CTNNA3: variants seen among roughly 807,000 people sequenced by gnomAD.
The protein encoded by CTNNA3 is catenin alpha 3, also known as catenin alpha-3.
CTNNA3 carries 76 observed loss-of-function variants against 95.7 expected under a neutral mutation model. That is an observed-to-expected ratio of 0.79 (90% CI 0.66 to 0.96). The LOEUF is 0.96. CTNNA3 is among the 40% of genes least tolerant of loss of function. The pLI is 0.00. For synonymous variants in CTNNA3, 431 were observed against 374.4 expected, an observed-to-expected ratio of 1.15 and a Z score of -1.74; for missense variants, 1,191 against 1,089.8, an observed-to-expected ratio of 1.09 and a Z score of -1.31.
chr10:66,154,131 A>G (rs2084351798), intron 13 of CTNNA3, among the ~76,000 whole-genome samples: 1 of 151,912 alleles, frequency 6.6e-6, no homozygotes, highest in Admixed American at 6.6e-5. Flanking sequence ...TTATTGTCCA[A>G]GACTTGTATT....
chr10:66,607,258 T>A (rs1196920144), intron 10 of CTNNA3, among the ~76,000 whole-genome samples: 1 of 151,882 alleles, frequency 6.6e-6, no homozygotes, highest in African/African-American at 2.4e-5. Flanking sequence ...AACAGACTAA[T>A]AATGAGCTCT....
chr10:66,392,065 T>C (rs538177136), intron 11 of CTNNA3, among the ~76,000 whole-genome samples: 7 of 126,838 alleles, frequency 5.5e-5, no homozygotes, highest in African/African-American at 2.7e-4. Flanking sequence ...AATTAACAAT[T>C]TTTTTACAAA....
At chr10:66,506,128 CCCTTGCAGGAAT>C (rs1355082742) in intron 11 of CTNNA3, among the ~76,000 whole-genome samples, 2 of 152,024 alleles carry the variant, frequency 1.3e-5, no homozygotes, top group African/African-American at 2.4e-5. Context: ...AAATAACCTG[CCCTTGCAGGAAT>C]AAATAGAGTG....
intron 15 of CTNNA3, among the ~76,000 whole-genome samples, chr10:66,031,910 T>C (rs770646370): frequency 3.7e-4 from 57 of 152,298 alleles, no homozygotes; most frequent in Admixed American, 1.0e-3. Flanking sequence ...AACAAAATGG[T>C]TACTAAAGTA....
chr10:67,264,453 T>A (rs1866737696), intron 5 of CTNNA3, among the ~76,000 whole-genome samples: 1 of 152,182 alleles, frequency 6.6e-6, no homozygotes, highest in South Asian at 2.1e-4. Flanking sequence ...TATTTACAGT[T>A]AGGAAACTAA....
chr10:66,811,533 T>A (rs1841875517), intron 7 of CTNNA3, among the ~76,000 whole-genome samples: 1 of 152,182 alleles, frequency 6.6e-6, no homozygotes, highest in Admixed American at 6.5e-5. Context: ...GTAAAGGTAG[T>A]TTGAACGGAA....
At chr10:67,533,924 T>C (rs1440917872) in intron 4 of CTNNA3, among the ~76,000 whole-genome samples, 2 of 151,842 alleles carry the variant, frequency 1.3e-5, no homozygotes, top group Non-Finnish European at 2.9e-5. Flanking sequence ...ATCTGTTATG[T>C]AAGAAAAGTC....
intron 7 of CTNNA3, among the ~76,000 whole-genome samples, chr10:67,166,332 T>A (rs781195846): frequency 2.0e-5 from 3 of 152,184 alleles, no homozygotes; most frequent in Non-Finnish European, 4.4e-5. Flanking sequence ...AAAATGGAAT[T>A]CTGCAAGAGT....
intron 10 of CTNNA3, among the ~76,000 whole-genome samples, chr10:66,591,712 G>C (rs184646711): frequency 2.5e-4 from 38 of 152,070 alleles, no homozygotes; most frequent in Non-Finnish European, 4.6e-4. Context: ...TATCCTGTCA[G>C]CAATGATAAT....
chr10:67,406,156 C>T (rs1359277576), intron 5 of CTNNA3, among the ~76,000 whole-genome samples: 1 of 152,208 alleles, frequency 6.6e-6, no homozygotes, highest in Non-Finnish European at 1.5e-5. Flanking sequence ...CTTGCTTCCC[C>T]TTCTGCCATG....
chr10:67,566,614 G>A (rs1281947752), intron 3 of CTNNA3, among the ~76,000 whole-genome samples: 10 of 152,030 alleles, frequency 6.6e-5, no homozygotes, highest in East Asian at 3.9e-4. Context: ...TCAGTGTGGC[G>A]ATTCCTCAGG....
At chr10:66,666,817 T>A (rs1348045913) in intron 9 of CTNNA3, among the ~76,000 whole-genome samples, 1 of 151,464 alleles carries the variant, frequency 6.6e-6, no homozygotes, top group Non-Finnish European at 1.5e-5. Context: ...AAAACTTACT[T>A]TTTTAATGTA....
chr10:67,026,239 C>A (rs947798810), intron 7 of CTNNA3, among the ~76,000 whole-genome samples: 1 of 150,584 alleles, frequency 6.6e-6, no homozygotes, highest in African/African-American at 2.5e-5. Context: ...GCACATGTAC[C>A]CTAAAACTTA....
At chr10:66,324,054 A>G (rs1303555594) in intron 12 of CTNNA3, among the ~76,000 whole-genome samples, 1 of 151,780 alleles carries the variant, frequency 6.6e-6, no homozygotes, top group Non-Finnish European at 1.5e-5. Flanking sequence ...ATAAAAACTC[A>G]CATTCGCTTG....
chr10:67,132,932 G>A (rs1468314916), intron 7 of CTNNA3, among the ~76,000 whole-genome samples: 1 of 151,580 alleles, frequency 6.6e-6, no homozygotes, highest in Non-Finnish European at 1.5e-5. Context: ...TGGGGGTGAG[G>A]GGGTATGAAG....
intron 7 of CTNNA3, among the ~76,000 whole-genome samples, chr10:67,097,125 G>C (rs1858045183): frequency 6.6e-6 from 1 of 151,730 alleles, no homozygotes; most frequent in South Asian, 2.1e-4. Context: ...GGTGGCAGGG[G>C]GTTGACTAGT....
intron 15 of CTNNA3, among the ~76,000 whole-genome samples, chr10:66,066,306 T>A (rs1042840847): frequency 6.6e-6 from 1 of 152,226 alleles, no homozygotes; most frequent in African/African-American, 2.4e-5. Context: ...ATCCAACTAC[T>A]AAAACATAAT....
Position 67,040,360 on chromosome 10 carries a change from C to G in CTNNA3, c.1047+139957G>C, listed in dbSNP as rs150177276. On this transcript the variant is annotated intron_variant, in intron 7 of 17. Transcript: ENST00000433211. ...GGAGAGAGAACAACCTCAGTAGTAA[C>G]TAGGTAAAGATTGTACTGGTTCCCC... 9.0e-4 allele frequency among the ~76,000 whole-genome samples: 137 copies of G among 152,092 alleles called. 3 individuals carry two copies. Among genetic ancestry groups the G allele is most frequent in the African/African-American group, 3.2e-3 (133 of 41,502 alleles).
intron 9 of CTNNA3, among the ~76,000 whole-genome samples, chr10:66,731,394 A>G (rs914702642): frequency 1.3e-5 from 2 of 152,120 alleles, no homozygotes; most frequent in Non-Finnish European, 1.5e-5. Flanking sequence ...TGACTTTCCC[A>G]GTGGCATGCT....
Sources: allele counts gnomAD v4.1 joint callset (sites outside exome capture counted in the v4.1 genomes callset), GRCh38; gene constraint gnomAD v4.1.1; transcripts MANE v1.5; gene names NCBI Gene and HGNC (gene_info 2026-07-23, HGNC 2026-07-21).